The following ASXL2 variants were observed in gnomAD, a reference collection of about 807,000 sequenced individuals.
ASXL2 encodes the protein ASXL transcriptional regulator 2, also known as putative Polycomb group protein ASXL2.
Under a neutral mutation model 122.0 loss-of-function variants are expected in ASXL2, and 23 were observed. The ratio of observed to expected loss-of-function variants is 0.19; its 90% CI spans 0.14 to 0.27. The LOEUF (loss-of-function observed/expected upper bound fraction) is 0.27, where lower values mean the gene tolerates loss of function less well. Among genes scored for constraint, ASXL2 ranks in the 10% least tolerant of loss-of-function variants. The pLI is 1.00. For synonymous variants in ASXL2, 650 were observed against 637.0 expected (o/e 1.02, Z -0.31); for missense variants, 1,518 against 1,713.8 (o/e 0.89, Z 2.02).
At chr2:25,800,360 C>T (rs2088977142) in intron 4 of ASXL2, among the ~76,000 whole-genome samples, 1 of 152,044 alleles carries the variant, frequency 6.6e-6, no homozygotes, top group South Asian at 2.1e-4. Flanking sequence ...GTAAGTACCA[C>T]TATGTACTCT....
chr2:25,870,457 G>A (rs2089954410), intron 1 of ASXL2, among the ~76,000 whole-genome samples: 1 of 152,182 alleles, frequency 6.6e-6, no homozygotes, highest in African/African-American at 2.4e-5. Context: ...CCAGGAGGCG[G>A]AGGTTGCAGT....
intron 3 of ASXL2, among the ~76,000 whole-genome samples, chr2:25,812,004 CA>C (rs1293220103): frequency 3.9e-5 from 6 of 152,034 alleles, no homozygotes; most frequent in Non-Finnish European, 5.9e-5. Flanking sequence ...CCACACGCAT[CA>C]GCCTCCCAAA....
At chr2:25,780,018 C>A (rs1053485695) in intron 5 of ASXL2, among the ~76,000 whole-genome samples, 1 of 152,186 alleles carries the variant, frequency 6.6e-6, no homozygotes, top group Non-Finnish European at 1.5e-5. Context: ...CAGGTGCCCA[C>A]CACCATGCCC....
At chr2:25,808,621 T>C (rs1406011978) in intron 3 of ASXL2, among the ~76,000 whole-genome samples, 1 of 152,228 alleles carries the variant, frequency 6.6e-6, no homozygotes, top group African/African-American at 2.4e-5. Context: ...TGTTAGCCAC[T>C]GCGCCTGGCC....
chr2:25,851,915 G>A (rs529094523), intron 1 of ASXL2, among the ~76,000 whole-genome samples: 5 of 152,152 alleles, frequency 3.3e-5, no homozygotes, highest in African/African-American at 1.2e-4. Flanking sequence ...GAAAGAAAAT[G>A]TGCATGGATA....
At chr2:25,813,173 T>C (rs2089192918) in intron 3 of ASXL2, among the ~76,000 whole-genome samples, 1 of 152,194 alleles carries the variant, frequency 6.6e-6, no homozygotes, top group African/African-American at 2.4e-5. Flanking sequence ...CTAGGATTAG[T>C]GGATCCACAG....
At chr2:25,850,065 T>C (rs1166391755) in intron 1 of ASXL2, among the ~76,000 whole-genome samples, 1 of 152,118 alleles carries the variant, frequency 6.6e-6, no homozygotes, top group East Asian at 1.9e-4. Flanking sequence ...ACACATGGCC[T>C]ATCTTGTTTC....
chr2:25,740,007 T>C lies in ASXL2; in HGVS notation c.*2022A>G, dbSNP rs1284889632. 8.9e-6 allele frequency: 2 copies of C among 223,942 alleles called. No homozygotes were observed. Among genetic ancestry groups the C allele is most frequent in the Non-Finnish European group, 1.8e-5 (2 of 112,148 alleles). The allele number at this position is 223,942 out of a possible 1,614,324, so 13.9% of individuals were successfully genotyped here. ...TACTGAATATTTGGGAGCACCATTA[T>C]TTCTGTTTTCTACTGGTTCTTGGCT... On this transcript the variant is annotated 3_prime_UTR_variant, in exon 13 of 13. Transcript: ENST00000435504.
At chr2:25,847,562 T>C (rs2089663115) in intron 1 of ASXL2, among the ~76,000 whole-genome samples, 1 of 152,236 alleles carries the variant, frequency 6.6e-6, no homozygotes, top group Non-Finnish European at 1.5e-5. Context: ...AAACTTTAGA[T>C]GTCCAAAGTT....
chr2:25,741,784 TG>T lies in ASXL2; in HGVS notation c.*244del, dbSNP rs1347324184. 2.1e-6 allele frequency: 1 copy of T among 465,926 alleles called. No homozygotes were observed. Among genetic ancestry groups the T allele is most frequent in the African/African-American group, 1.9e-5 (1 of 52,390 alleles). The allele number at this position is 465,926 out of a possible 1,614,324, so 28.9% of individuals were successfully genotyped here. ...TTAAACAAAATGTGACATATTTACA[TG>T]ATTTTGTAAGTGCAAACTTGTCACA... is the stretch of plus-strand genomic sequence containing the variant. On this transcript the variant is annotated 3_prime_UTR_variant, in exon 13 of 13. Transcript: ENST00000435504.
chr2:25,835,743 A>G (rs1452461241), intron 2 of ASXL2, among the ~76,000 whole-genome samples: 1 of 152,232 alleles, frequency 6.6e-6, no homozygotes, highest in Non-Finnish European at 1.5e-5. Context: ...AAAATGTCTA[A>G]AGATAAACAA....
At chr2:25,778,791 A>C (rs1033117545) in intron 5 of ASXL2, among the ~76,000 whole-genome samples, 13 of 152,300 alleles carry the variant, frequency 8.5e-5, no homozygotes, top group South Asian at 2.1e-4. Context: ...GTCCCAGGCA[A>C]ATCTTACATA....
intron 2 of ASXL2, among the ~76,000 whole-genome samples, chr2:25,836,731 T>C (rs930364234): frequency 6.6e-6 from 1 of 152,176 alleles, no homozygotes; most frequent in Non-Finnish European, 1.5e-5. Context: ...TCATTAGCTA[T>C]ATAACTTACT....
intron 5 of ASXL2, among the ~76,000 whole-genome samples, chr2:25,773,311 CA>C (rs2088487355): frequency 6.6e-6 from 1 of 151,778 alleles, no homozygotes; most frequent in South Asian, 2.1e-4. Flanking sequence ...AGCTGATGTA[CA>C]AAAAGCTTGA....
Position 25,743,547 on chromosome 2 carries a change from T to A in ASXL2, c.2790A>T (p.Gly930=). 6.2e-7 allele frequency: 1 copy of A among 1,613,958 alleles called. No individual in the cohort carries two copies. Among genetic ancestry groups the A allele is most frequent in the Non-Finnish European group, 8.5e-7 (1 of 1,179,902 alleles). The change falls in exon 13 of 13, where the codon GGA becomes GGT. Residue 930 remains glycine (G), a synonymous_variant. Coordinates refer to ENST00000435504, the MANE Select transcript of ASXL2 (RefSeq NM_018263.6). ...LPAASSLKTP[G]TSLNMNGPTL... is the part of the protein sequence containing the mutation. ...TGGGTCCATTCATGTTTAAAGAAGT[T>A]CCTGGGGTTTTAAGGCTAGAAGCTG... is the stretch of plus-strand genomic sequence containing the variant.
At chr2:25,825,039 A>G (rs765233624) in intron 3 of ASXL2, among the ~76,000 whole-genome samples, 3 of 152,222 alleles carry the variant, frequency 2.0e-5, no homozygotes, top group Non-Finnish European at 4.4e-5. Context: ...TTGTTTTACC[A>G]ATTCTGAATC....
intron 1 of ASXL2, among the ~76,000 whole-genome samples, chr2:25,877,946 G>C (rs1410226647): frequency 6.6e-6 from 1 of 152,172 alleles, no homozygotes; most frequent in Non-Finnish European, 1.5e-5. Flanking sequence ...AGGACTCGCC[G>C]CAGACGCCGA....
chr2:25,790,833 T>C (rs1266860530), intron 5 of ASXL2, among the ~76,000 whole-genome samples: 1 of 140,786 alleles, frequency 7.1e-6, no homozygotes, highest in Non-Finnish European at 1.5e-5. Flanking sequence ...AGACAGGGTC[T>C]CTCTCTGTCA....
intron 1 of ASXL2, among the ~76,000 whole-genome samples, chr2:25,872,456 A>G (rs1455872836): frequency 2.0e-5 from 3 of 152,172 alleles, no homozygotes; most frequent in Non-Finnish European, 4.4e-5. Context: ...AGAAACCAAA[A>G]CAAAGTCTAA....
Sources: allele counts gnomAD v4.1 joint callset (sites outside exome capture counted in the v4.1 genomes callset), GRCh38; gene constraint gnomAD v4.1.1; transcripts MANE v1.5; gene names NCBI Gene and HGNC (gene_info 2026-07-23, HGNC 2026-07-21).